The following NRXN3 variants were observed in gnomAD, a reference collection of about 807,000 sequenced individuals.
NRXN3 encodes the protein neurexin III.
Under a neutral mutation model 137.6 loss-of-function variants are expected in NRXN3, and 32 were observed. The observed-to-expected ratio is 0.23, with a 90% CI of 0.18 to 0.31. The LOEUF (loss-of-function observed/expected upper bound fraction) is 0.31. Among genes scored for constraint, NRXN3 ranks in the 10% least tolerant of loss-of-function variants. NRXN3 has a pLI of 1.00. For synonymous variants in NRXN3, 798 were observed against 784.5 expected (o/e 1.02, Z -0.29); for missense variants, 1,574 against 2,062.5 (o/e 0.76, Z 4.59).
At chr14:79,119,795 T>C (rs4903833) in intron 15 of NRXN3, among the ~76,000 whole-genome samples, 50,224 of 152,014 alleles carry the variant, frequency 0.33, 8,812 homozygotes, top group Admixed American at 0.47. Context: ...CTGTTATTTT[T>C]ATTTACTGTT....
At chr14:79,817,268 G>A (rs770693541) in intron 20 of NRXN3, among the ~76,000 whole-genome samples, 1 of 152,120 alleles carries the variant, frequency 6.6e-6, no homozygotes, top group Non-Finnish European at 1.5e-5. Flanking sequence ...GGCCAGGCTG[G>A]TCTTGAACTC....
At chr14:78,453,999 G>A (rs768168413) in intron 4 of NRXN3, among the ~76,000 whole-genome samples, 7 of 152,138 alleles carry the variant, frequency 4.6e-5, no homozygotes, top group South Asian at 4.1e-4. Flanking sequence ...CTGCTTTGTC[G>A]TACTTTGTTG....
chr14:79,735,293 T>C (rs2098938043), intron 19 of NRXN3, among the ~76,000 whole-genome samples: 1 of 152,218 alleles, frequency 6.6e-6, no homozygotes, highest in Non-Finnish European at 1.5e-5. Context: ...GGCTATTATG[T>C]ACATTATTTT....
intron 15 of NRXN3, among the ~76,000 whole-genome samples, chr14:78,990,262 A>G (rs560548091): frequency 1.8e-4 from 27 of 152,256 alleles, no homozygotes; most frequent in Non-Finnish European, 3.2e-4. Flanking sequence ...CTGCCTCTCT[A>G]ACAGGAGCTA....
chr14:79,685,453 A>G (rs1000927763), intron 17 of NRXN3, among the ~76,000 whole-genome samples: 2 of 152,012 alleles, frequency 1.3e-5, no homozygotes, highest in African/African-American at 4.8e-5. Context: ...ATTTGAGGAA[A>G]GAAAGCAAAT....
chr14:78,932,462 A>C (rs1699384905), intron 10 of NRXN3, among the ~76,000 whole-genome samples: 1 of 152,224 alleles, frequency 6.6e-6, no homozygotes, highest in Admixed American at 6.5e-5. Flanking sequence ...GATGAGGTTT[A>C]ATAATCACAA....
intron 6 of NRXN3, chr14:78,695,366 G>A (rs557529439): frequency 3.6e-4 from 55 of 152,130 alleles, no homozygotes; most frequent in African/African-American, 1.3e-3. Flanking sequence ...CTACTACAGA[G>A]ATACCTTTCT....
At chr14:79,764,974 C>A (rs1603471399) in intron 19 of NRXN3, among the ~76,000 whole-genome samples, 1 of 152,128 alleles carries the variant, frequency 6.6e-6, no homozygotes, top group South Asian at 2.1e-4. Flanking sequence ...GATTTTTAAA[C>A]AATTAAATAT....
intron 14 of NRXN3, among the ~76,000 whole-genome samples, chr14:78,969,814 AGTGTGTGTGTGTGTGTGT>A (rs376306137): frequency 7.1e-6 from 1 of 141,408 alleles, no homozygotes; most frequent in Non-Finnish European, 1.5e-5. Context: ...TGTACTATGT[AGTGTGTGTGTGTGTGTGT>A]GTGTGTGTGT....
At chr14:78,365,001 A>G (rs189686016) in intron 4 of NRXN3, among the ~76,000 whole-genome samples, 128 of 152,252 alleles carry the variant, frequency 8.4e-4, no homozygotes, top group Non-Finnish European at 1.5e-3. Context: ...CCTAAGTTCC[A>G]CTGTACCTGG....
intron 19 of NRXN3, among the ~76,000 whole-genome samples, chr14:79,724,429 C>T (rs2154066690): frequency 6.6e-6 from 1 of 152,132 alleles, no homozygotes; most frequent in Admixed American, 6.6e-5. Flanking sequence ...ATTTTTCACC[C>T]CTCTTCTCTC....
intron 4 of NRXN3, among the ~76,000 whole-genome samples, chr14:78,330,289 C>T (rs895997643): frequency 5.3e-5 from 8 of 152,142 alleles, no homozygotes; most frequent in Admixed American, 2.6e-4. Context: ...CTAAGCTTGA[C>T]AGGAGTCCCC....
chr14:78,426,271 G>C (rs1255889770), intron 4 of NRXN3, among the ~76,000 whole-genome samples: 1 of 152,184 alleles, frequency 6.6e-6, no homozygotes, highest in Non-Finnish European at 1.5e-5. Context: ...AAGACACTAG[G>C]TCTGCTGTTG....
chr14:78,961,792 A>G (rs1430249970), intron 11 of NRXN3, among the ~76,000 whole-genome samples: 2 of 152,306 alleles, frequency 1.3e-5, no homozygotes, highest in East Asian at 1.9e-4. Context: ...CTATTGCTTC[A>G]TAGGAATAGG....
At chr14:79,091,994 T>C (rs1163702264) in intron 15 of NRXN3, among the ~76,000 whole-genome samples, 2 of 152,196 alleles carry the variant, frequency 1.3e-5, no homozygotes, top group South Asian at 2.1e-4. Flanking sequence ...AATAAAGTTA[T>C]TATTAAAAAG....
chr14:79,532,507 C>T (rs958373754), intron 16 of NRXN3, among the ~76,000 whole-genome samples: 15 of 152,152 alleles, frequency 9.9e-5, no homozygotes, highest in African/African-American at 3.6e-4. Flanking sequence ...TAACAGGCCC[C>T]TCAGCCTAGG....
At chr14:78,857,297 A>G (rs950088480) in intron 10 of NRXN3, among the ~76,000 whole-genome samples, 3 of 152,092 alleles carry the variant, frequency 2.0e-5, no homozygotes, top group Non-Finnish European at 4.4e-5. Context: ...AGATGAACAT[A>G]TTTAGAATGA....
chr14:79,762,012 C>G (rs2099040364), intron 19 of NRXN3, among the ~76,000 whole-genome samples: 1 of 151,520 alleles, frequency 6.6e-6, no homozygotes, highest in Non-Finnish European at 1.5e-5. Flanking sequence ...TTCACAAAGT[C>G]AAGAATTTGC....
chr14:79,831,566 C>T (rs893908144), intron 20 of NRXN3, among the ~76,000 whole-genome samples: 2 of 152,224 alleles, frequency 1.3e-5, no homozygotes, highest in African/African-American at 2.4e-5. Flanking sequence ...TTTTGCCAAA[C>T]GAGGGTTTTC....
Sources: allele counts gnomAD v4.1 joint callset (sites outside exome capture counted in the v4.1 genomes callset), GRCh38; gene constraint gnomAD v4.1.1; transcripts MANE v1.5; gene names NCBI Gene and HGNC (gene_info 2026-07-23, HGNC 2026-07-21).